Variants in HLF observed in about 807,000 individuals in gnomAD.
The protein encoded by HLF is hepatic leukemia factor.
A neutral mutation model predicts 22.6 loss-of-function variants in HLF; 3 were observed. The ratio of observed to expected loss-of-function variants is 0.13; its 90% confidence interval spans 0.06 to 0.34. The LOEUF (loss-of-function observed/expected upper bound fraction) is 0.34. Ranked by LOEUF, HLF falls within the 10% of genes least tolerant of loss-of-function variation. The pLI is 1.00. For synonymous variants in HLF, 151 were observed against 151.8 expected, an observed-to-expected ratio of 0.99 and a Z score of 0.04; for missense variants, 299 against 389.2, an observed-to-expected ratio of 0.77 and a Z score of 1.95.
chr17:55,324,199 G>A lies in HLF; in HGVS notation c.*3320G>A, dbSNP rs1055698793. 4.4e-6 allele frequency: 1 copy of A among 225,138 alleles called. No individual in the cohort carries two copies. The highest frequency in any genetic ancestry group is 2.2e-5 in the African/African-American group (1 of 44,892). The allele number at this position is 225,138 out of a possible 1,614,324, so 13.9% of individuals were successfully genotyped here. Reference sequence around the variant, plus strand: ...CCCTCAAAGCAGAAGGACCCTTTGAGGAGAGTACAGATGGGATTCCACAGT... The same window carrying A: ...CCCTCAAAGCAGAAGGACCCTTTGAAGAGAGTACAGATGGGATTCCACAGT... On this transcript the variant is annotated 3_prime_UTR_variant, in exon 4 of 4. Transcript: ENST00000226067.
chr17:55,317,159 G>C (rs1024651893), intron 3 of HLF, among the ~76,000 whole-genome samples: 7 of 151,612 alleles, frequency 4.6e-5, no homozygotes, highest in African/African-American at 1.5e-4. Context: ...AGTAGAGACG[G>C]GATTTCACCG....
chr17:55,310,292 C>G (rs187600760), intron 2 of HLF, among the ~76,000 whole-genome samples: 2 of 152,280 alleles, frequency 1.3e-5, no homozygotes. Context: ...TGATCTTGTC[C>G]ACTATGGATC....
At chr17:55,298,794 C>G (rs957877197) in intron 2 of HLF, among the ~76,000 whole-genome samples, 1 of 152,134 alleles carries the variant, frequency 6.6e-6, no homozygotes, top group Non-Finnish European at 1.5e-5. Flanking sequence ...CCATTTTTCT[C>G]CTATGTAGGA....
chr17:55,285,138 G>A (rs889639007), intron 2 of HLF, among the ~76,000 whole-genome samples: 1 of 152,164 alleles, frequency 6.6e-6, no homozygotes, highest in African/African-American at 2.4e-5. Flanking sequence ...ATTTGCCTGG[G>A]TCCCTGTGGG....
intron 2 of HLF, among the ~76,000 whole-genome samples, chr17:55,309,087 G>A (rs530356260): frequency 2.2e-4 from 33 of 152,296 alleles, no homozygotes; most frequent in African/African-American, 7.0e-4. Context: ...CAGCCCAGAT[G>A]CAAGAGGTAG....
At chr17:55,270,301 G>A (rs959999536) in intron 2 of HLF, among the ~76,000 whole-genome samples, 3 of 152,178 alleles carry the variant, frequency 2.0e-5, no homozygotes, top group Admixed American at 6.5e-5. Context: ...TTGAAAACTC[G>A]ATAGTCCTCA....
chr17:55,270,766 T>C (rs2145295950), intron 2 of HLF, among the ~76,000 whole-genome samples: 1 of 151,246 alleles, frequency 6.6e-6, no homozygotes, highest in Middle Eastern at 3.4e-3. Flanking sequence ...GTTCACGCCA[T>C]TCTCCTGTCT....
At chr17:55,290,899 A>G (rs998296695) in intron 2 of HLF, among the ~76,000 whole-genome samples, 1 of 152,214 alleles carries the variant, frequency 6.6e-6, no homozygotes, top group Admixed American at 6.5e-5. Context: ...AGAAAGTGAA[A>G]CAGCCGTATT....
chr17:55,312,866 AG>A (rs1904894827), intron 2 of HLF, among the ~76,000 whole-genome samples: 1 of 152,240 alleles, frequency 6.6e-6, no homozygotes, highest in African/African-American at 2.4e-5. Context: ...AATCCACAGG[AG>A]ATAGGAAAAA....
rs889746408 is a variant in HLF, at chr17:55,265,193, C to G, written c.-292C>G. 29 of 283,324 alleles carry G rather than the reference C, an allele frequency of 1.0e-4. No individual in the cohort carries two copies. The highest frequency in any genetic ancestry group is 2.8e-4 in the South Asian group (2 of 7,148). The allele number at this position is 283,324 out of a possible 1,614,324, so 17.6% of individuals were successfully genotyped here. On this transcript the variant is annotated 5_prime_UTR_variant, in exon 1 of 4. Coordinates refer to ENST00000226067, the MANE Select transcript of HLF (RefSeq NM_002126.5). ...TTTCAATTTTGAACATTTTGCAAAACGAGGGGTTCGAGGCAGGTGAGAGCA... is the reference window on the plus strand; with the variant it reads ...TTTCAATTTTGAACATTTTGCAAAAGGAGGGGTTCGAGGCAGGTGAGAGCA...
chr17:55,268,259 A>G (rs2080815579), intron 2 of HLF, among the ~76,000 whole-genome samples, 173 bp downstream of exon 2: 1 of 152,254 alleles, frequency 6.6e-6, no homozygotes, highest in Middle Eastern at 3.4e-3. Flanking sequence ...GAGCATCCAT[A>G]TCACTCATCT....
At chr17:55,280,003 T>C (rs902791701) in intron 2 of HLF, among the ~76,000 whole-genome samples, 18 of 152,246 alleles carry the variant, frequency 1.2e-4, no homozygotes, top group South Asian at 8.3e-4. Flanking sequence ...ATTTGTTCCC[T>C]CCATTGTAAG....
At chr17:55,268,248 T>C (rs555209695) in intron 2 of HLF, among the ~76,000 whole-genome samples, 162 bp downstream of exon 2, 4 of 152,296 alleles carry the variant, frequency 2.6e-5, no homozygotes, top group East Asian at 3.9e-4. Context: ...CCCACTTTAA[T>C]GAGCATCCAT....
intron 2 of HLF, among the ~76,000 whole-genome samples, chr17:55,269,396 G>A (rs9904758): frequency 0.13 from 19,758 of 152,184 alleles, 1,540 homozygotes; most frequent in Middle Eastern, 0.18. Flanking sequence ...TACTTAGAAT[G>A]TGCGGTACCA....
Position 55,320,794 on chromosome 17 carries a change from GCC to G in HLF, c.804_805del (p.Gln269GlyfsTer4). 6.2e-7 allele frequency: 1 copy of G among 1,613,758 alleles called. No individual in the cohort carries two copies. On this transcript the variant is annotated frameshift_variant, in exon 4 of 4. Transcript: ENST00000226067. LOFTEE classifies it high-confidence loss of function. The surrounding 1 kb of genome is among the most constrained non-coding windows in gnomAD (Gnocchi z 4.2). ...CTGGAGAAGGAGAACTCGGCCCTCCGCCAGGAGGTGGCTGACTTGAGGAAGGA... is the reference window on the plus strand; with the variant it reads ...CTGGAGAAGGAGAACTCGGCCCTCCGAGGAGGTGGCTGACTTGAGGAAGGA...
intron 2 of HLF, among the ~76,000 whole-genome samples, chr17:55,285,882 T>C (rs761475600): frequency 3.3e-5 from 5 of 152,224 alleles, no homozygotes; most frequent in Admixed American, 6.5e-5. Context: ...ATGTTTTACT[T>C]TTGCGCCTGT....
At chr17:55,285,147 G>T (rs189434647) in intron 2 of HLF, among the ~76,000 whole-genome samples, 7 of 152,280 alleles carry the variant, frequency 4.6e-5, no homozygotes, top group Admixed American at 3.3e-4. Flanking sequence ...GGTCCCTGTG[G>T]GGTGAGAGTA....
chr17:55,310,850 A>C (rs1904796829), intron 2 of HLF, among the ~76,000 whole-genome samples: 1 of 152,222 alleles, frequency 6.6e-6, no homozygotes, highest in African/African-American at 2.4e-5. Flanking sequence ...CCGCTTAGGA[A>C]ATATAATAGG....
At chr17:55,268,286 A>T (rs1007393795) in intron 2 of HLF, among the ~76,000 whole-genome samples, 200 bp downstream of exon 2, 1 of 152,128 alleles carries the variant, frequency 6.6e-6, no homozygotes, top group Non-Finnish European at 1.5e-5. Flanking sequence ...TCCGGTAAAT[A>T]CAGACTCTTT....
Sources: allele counts gnomAD v4.1 joint callset (sites outside exome capture counted in the v4.1 genomes callset), GRCh38; gene constraint gnomAD v4.1.1; non-coding constraint Gnocchi (gnomAD v3.1); transcripts MANE v1.5; gene names NCBI Gene and HGNC (gene_info 2026-07-23, HGNC 2026-07-21).